The following MTNAP1 variants were observed in gnomAD, a reference collection of about 807,000 sequenced individuals.
MTNAP1 encodes mitochondrial nucleoid-associated protein 1.
chr17:73,247,196 A>G, the MTNAP1 span: 196 of 1,567,342 alleles, frequency 1.3e-4, no homozygotes, highest in Non-Finnish European at 1.6e-4. Flanking sequence ...GACAGAAACC[A>G]TATGCCCTGA....
the MTNAP1 span, among the ~76,000 whole-genome samples, chr17:73,241,797 C>T: frequency 6.6e-6 from 1 of 152,110 alleles, no homozygotes; most frequent in Non-Finnish European, 1.5e-5. Context: ...GGCGTGATGG[C>T]GTGTGCCTGT....
the MTNAP1 span, chr17:73,233,033 C>G: frequency 4.6e-5 from 7 of 152,634 alleles, no homozygotes; most frequent in African/African-American, 1.7e-4. Flanking sequence ...GAGGGAAAGG[C>G]GGCTGGAGAG....
the MTNAP1 span, among the ~76,000 whole-genome samples, chr17:73,242,737 G>T: frequency 6.6e-6 from 1 of 152,204 alleles, no homozygotes; most frequent in Non-Finnish European, 1.5e-5. Flanking sequence ...GTCAAGTTAA[G>T]GTTCTTTGAT....
chr17:73,248,551 C>A, the MTNAP1 span: 2 of 1,551,400 alleles, frequency 1.3e-6, no homozygotes, highest in East Asian at 2.4e-5. Flanking sequence ...AAGGTGCATA[C>A]AAATGCAGCG....
the MTNAP1 span, among the ~76,000 whole-genome samples, chr17:73,242,644 C>T: frequency 2.0e-5 from 3 of 152,182 alleles, no homozygotes; most frequent in Non-Finnish European, 4.4e-5. Context: ...AACTCTAAAC[C>T]TCAAGTTAAC....
the MTNAP1 span, chr17:73,236,811 C>A: frequency 6.2e-7 from 1 of 1,614,140 alleles, no homozygotes; most frequent in Non-Finnish European, 8.5e-7. Context: ...CTCAGAGCCC[C>A]TTCACCAATC....
At chr17:73,236,797 A>G in the MTNAP1 span, 18 of 1,613,840 alleles carry the variant, frequency 1.1e-5, 1 homozygote, top group Admixed American at 3.3e-5. Flanking sequence ...CCAGCGTCAC[A>G]CTCCTCAGAG....
chr17:73,237,721 T>G, the MTNAP1 span, among the ~76,000 whole-genome samples: 6 of 144,526 alleles, frequency 4.2e-5, no homozygotes, highest in Non-Finnish European at 8.8e-5. Flanking sequence ...GGTTCTAAGT[T>G]TACAGGACAA....
chr17:73,241,897 C>G, the MTNAP1 span, among the ~76,000 whole-genome samples: 4 of 152,164 alleles, frequency 2.6e-5, no homozygotes, highest in Admixed American at 6.5e-5. Flanking sequence ...CCACTGCACT[C>G]CAGCCTGGGC....
chr17:73,236,153 C>T, the MTNAP1 span: 1 of 1,614,020 alleles, frequency 6.2e-7, no homozygotes, highest in African/African-American at 1.3e-5. Flanking sequence ...CTAGATGTGC[C>T]TACTGGTGAT....
chr17:73,236,413 G>C, the MTNAP1 span: 2 of 1,614,104 alleles, frequency 1.2e-6, no homozygotes, highest in East Asian at 4.5e-5. Flanking sequence ...TGGGAGCAAA[G>C]GAAATGCAGA....
At chr17:73,245,313 AAAT>A in the MTNAP1 span, 1 of 1,420,924 alleles carries the variant, frequency 7.0e-7, no homozygotes, top group Non-Finnish European at 9.3e-7. Context: ...GGAGTGAAAA[AAAT>A]AAAGAATAAA....
the MTNAP1 span, among the ~76,000 whole-genome samples, chr17:73,242,027 G>A: frequency 6.6e-6 from 1 of 152,164 alleles, no homozygotes; most frequent in Non-Finnish European, 1.5e-5. Context: ...TAGACGCCCT[G>A]ATTTTCAGGG....
the MTNAP1 span, chr17:73,245,154 CTG>C: frequency 6.2e-7 from 1 of 1,613,568 alleles, no homozygotes; most frequent in Non-Finnish European, 8.5e-7. Context: ...ACATTTGTCT[CTG>C]TTTATCCAAA....
the MTNAP1 span, chr17:73,236,582 C>T: frequency 6.2e-7 from 1 of 1,614,228 alleles, no homozygotes; most frequent in African/African-American, 1.3e-5. Flanking sequence ...CAGTTTCATT[C>T]TGTATCGCAG....
At chr17:73,240,223 C>G in the MTNAP1 span, among the ~76,000 whole-genome samples, 1 of 152,168 alleles carries the variant, frequency 6.6e-6, no homozygotes, top group Non-Finnish European at 1.5e-5. Flanking sequence ...CTATTTTAAT[C>G]CCTTTTATTG....
At chr17:73,234,802 T>C in the MTNAP1 span, among the ~76,000 whole-genome samples, 3 of 152,100 alleles carry the variant, frequency 2.0e-5, no homozygotes, top group Non-Finnish European at 4.4e-5. Context: ...TATATGCATA[T>C]TACTAAATGT....
At chr17:73,238,309 T>G in the MTNAP1 span, among the ~76,000 whole-genome samples, 1 of 152,240 alleles carries the variant, frequency 6.6e-6, no homozygotes, top group Non-Finnish European at 1.5e-5. Flanking sequence ...ACCTGTCGTG[T>G]GTAGTGGCCA....
the MTNAP1 span, among the ~76,000 whole-genome samples, chr17:73,234,075 TGTA>T: frequency 3.9e-5 from 6 of 152,102 alleles, no homozygotes; most frequent in African/African-American, 1.2e-4. Context: ...TATTATCAGT[TGTA>T]GTACTGAATA....
Sources: gnomAD v4.1 joint callset for allele counts (sites outside exome capture counted in the v4.1 genomes callset) on GRCh38, gnomAD v4.1.1 for gene constraint, MANE v1.5 for transcripts, NCBI Gene and HGNC (gene_info 2026-07-23, HGNC 2026-07-21) for gene names.